The following RNF130 variants were observed in gnomAD, a reference collection of about 807,000 sequenced individuals.
RNF130 encodes the protein E3 ubiquitin-protein ligase RNF130.
Under a neutral mutation model 44.6 loss-of-function variants are expected in RNF130, and 21 were observed. The observed-to-expected ratio is 0.47, with a 90% CI of 0.33 to 0.68. The LOEUF (loss-of-function observed/expected upper bound fraction) is 0.68. Ranked by LOEUF, RNF130 falls within the 30% of genes least tolerant of loss-of-function variation. The pLI is 0.02. For synonymous variants in RNF130, 214 were observed against 210.4 expected, an observed-to-expected ratio of 1.02 and a Z score of -0.15; for missense variants, 479 against 560.6, an observed-to-expected ratio of 0.85 and a Z score of 1.47.
intron 3 of RNF130, among the ~76,000 whole-genome samples, chr5:180,000,555 T>G (rs1373547349): frequency 6.6e-6 from 1 of 152,192 alleles, no homozygotes; most frequent in Admixed American, 6.5e-5. Context: ...TTCCATAAGT[T>G]TTGTAGGCGT....
At chr5:180,051,281 G>C (rs989367386) in intron 1 of RNF130, among the ~76,000 whole-genome samples, 2 of 55,442 alleles carry the variant, frequency 3.6e-5, no homozygotes, top group African/African-American at 8.6e-5. Flanking sequence ...ACAGAGTCTC[G>C]ATCTGTCACC....
chr5:179,930,118 C>T (rs752796988), intron 7 of RNF130, among the ~76,000 whole-genome samples: 14 of 152,060 alleles, frequency 9.2e-5, no homozygotes, highest in African/African-American at 1.4e-4. Flanking sequence ...AGTGCAATGG[C>T]GTGATCTTGG....
intron 3 of RNF130, among the ~76,000 whole-genome samples, chr5:180,010,087 A>C (rs897953805): frequency 3.3e-5 from 5 of 151,864 alleles, no homozygotes; most frequent in African/African-American, 4.8e-5. Context: ...CTCTACTAAA[A>C]ATACAAAAAA....
At chr5:180,026,029 A>G (rs1763976844) in intron 2 of RNF130, among the ~76,000 whole-genome samples, 1 of 152,110 alleles carries the variant, frequency 6.6e-6, no homozygotes, top group African/African-American at 2.4e-5. Context: ...ATTCAATGCT[A>G]GATAATAAAT....
intron 1 of RNF130, among the ~76,000 whole-genome samples, chr5:180,062,677 T>C (rs747618096): frequency 6.6e-6 from 1 of 152,214 alleles, no homozygotes; most frequent in Non-Finnish European, 1.5e-5. Context: ...GAACCATTTT[T>C]TTCCAGATGA....
At chr5:179,965,207 G>C (rs1762413602) in intron 7 of RNF130, among the ~76,000 whole-genome samples, 1 of 152,132 alleles carries the variant, frequency 6.6e-6, no homozygotes, top group Middle Eastern at 3.2e-3. Context: ...CACCCAATAT[G>C]CTGGCAGCAT....
At chr5:180,057,579 G>A (rs933603131) in intron 1 of RNF130, among the ~76,000 whole-genome samples, 1 of 151,932 alleles carries the variant, frequency 6.6e-6, no homozygotes, top group Non-Finnish European at 1.5e-5. Context: ...ATGTGTAATG[G>A]AGCCTCCCTA....
chr5:180,046,241 C>T (rs901630532), intron 1 of RNF130, among the ~76,000 whole-genome samples: 6 of 152,310 alleles, frequency 3.9e-5, no homozygotes, highest in South Asian at 2.1e-4. Context: ...CTCACACCCA[C>T]GCAGAACTCC....
At chr5:180,065,289 G>T (rs1034473342) in intron 1 of RNF130, among the ~76,000 whole-genome samples, 1 of 151,944 alleles carries the variant, frequency 6.6e-6, no homozygotes, top group Non-Finnish European at 1.5e-5. Context: ...TTATCTAATC[G>T]ATATAACACA....
intron 7 of RNF130, among the ~76,000 whole-genome samples, chr5:179,935,866 G>T (rs1761884882): frequency 6.6e-6 from 1 of 151,800 alleles, no homozygotes; most frequent in Non-Finnish European, 1.5e-5. Context: ...ACTCCTTCCT[G>T]GACAATGCAA....
chr5:179,957,545 T>C (rs1323961131), intron 8 of RNF130, among the ~76,000 whole-genome samples: 2 of 152,202 alleles, frequency 1.3e-5, no homozygotes, highest in Admixed American at 6.5e-5. Context: ...TCAACCACAT[T>C]ATTTGGCACT....
At chr5:179,960,659 T>C (rs116175869) in intron 8 of RNF130, among the ~76,000 whole-genome samples, 278 of 152,304 alleles carry the variant, frequency 1.8e-3, no homozygotes, top group African/African-American at 6.5e-3. Context: ...AACAGTAATA[T>C]ACAAGAACAG....
At position 179,972,966 on chromosome 5, in the gene RNF130, T is replaced by C. The variant is rs1762619429; in HGVS notation, c.849-2460A>G. On this transcript the variant is annotated intron_variant, in intron 5 of 8. Transcript: ENST00000521389. ...TTCTCCTCTAGGCTGTGGGGTACTA[T>C]GAAGAAAAACAAAAAAGACCAACTG... 2.6e-5 allele frequency among the ~76,000 whole-genome samples: 4 copies of C among 152,088 alleles called. 1 individual carries two copies. Among genetic ancestry groups the C allele is most frequent in the Admixed American group, 2.6e-4 (4 of 15,276 alleles).
intron 7 of RNF130, among the ~76,000 whole-genome samples, chr5:179,933,455 T>C (rs1386746729): frequency 8.2e-6 from 1 of 122,620 alleles, no homozygotes; most frequent in African/African-American, 2.9e-5. Context: ...AAATTTGCCA[T>C]CTCAACCATT....
chr5:180,020,508 G>A (rs1763846256), intron 2 of RNF130, among the ~76,000 whole-genome samples: 1 of 152,156 alleles, frequency 6.6e-6, no homozygotes, highest in Admixed American at 6.5e-5. Context: ...CGTCTGCTGG[G>A]AAGCCGAATG....
At chr5:180,063,482 C>G in intron 1 of RNF130, among the ~76,000 whole-genome samples, 1 of 152,114 alleles carries the variant, frequency 6.6e-6, no homozygotes, top group East Asian at 1.9e-4. Context: ...AAAAATGAAT[C>G]AAAGCTCCAT....
At chr5:180,068,144 T>A (rs1226301584) in intron 1 of RNF130, among the ~76,000 whole-genome samples, 2 of 152,176 alleles carry the variant, frequency 1.3e-5, no homozygotes, top group African/African-American at 4.8e-5. Flanking sequence ...AATCACATCA[T>A]CAACACAGGG....
chr5:179,915,939 A>G (rs1042272469), exon 8 of RNF130: 3 of 152,196 alleles, frequency 2.0e-5, no homozygotes, highest in Non-Finnish European at 4.4e-5. Context: ...GCCCATGAAC[A>G]GCCAACATCT....
rs183671697 is a variant in RNF130, at chr5:180,013,404, T to C, written c.443-93A>G. 2.6e-4 allele frequency: 287 copies of C among 1,122,224 alleles called. No homozygotes were observed. The Middle Eastern group carries it at 3.6e-3, about 14-fold the overall frequency. 69.5% of individuals were successfully genotyped at this position (1,122,224 alleles called of 1,614,324 possible). A position where few individuals can be genotyped will look rare whatever the true frequency, so the allele number is the denominator to read the frequency against. On this transcript the variant is annotated intron_variant, in intron 2 of 8. Transcript: ENST00000521389. ...CACGCTACTTAGGTAACTACTATAA[T>C]GTCTGGTAATGGAAAGGGTATGCAA...
Sources: gnomAD v4.1 joint callset for allele counts (sites outside exome capture counted in the v4.1 genomes callset) on GRCh38, gnomAD v4.1.1 for gene constraint, MANE v1.5 for transcripts, NCBI Gene and HGNC (gene_info 2026-07-23, HGNC 2026-07-21) for gene names.